Variants in KPNB1 observed in about 807,000 individuals in gnomAD.
KPNB1 encodes karyopherin subunit beta 1.
A neutral mutation model predicts 113.0 loss-of-function variants in KPNB1; 7 were observed. The ratio of observed to expected loss-of-function variants is 0.06; its 90% CI spans 0.04 to 0.12. The LOEUF is 0.12. Ranked by LOEUF, KPNB1 falls within the 10% of genes least tolerant of loss-of-function variation. The pLI is 1.00. For synonymous variants in KPNB1, 363 were observed against 378.6 expected (o/e 0.96, Z 0.48); for missense variants, 400 against 1,054.8 (o/e 0.38, Z 8.60).
intron 3 of KPNB1, 48 bp downstream of exon 3, chr17:47,652,924 T>C: frequency 1.4e-6 from 2 of 1,423,012 alleles, no homozygotes; most frequent in East Asian, 2.4e-5. Flanking sequence ...GAACAAGAAA[T>C]CGCTTTCTCA....
intron 15 of KPNB1, among the ~76,000 whole-genome samples, chr17:47,675,361 G>GTTGTTTTTTTTTTTTTT (rs1567894260): frequency 1.1e-4 from 10 of 88,694 alleles, no homozygotes; most frequent in South Asian, 3.7e-4. Flanking sequence ...CAGAGGTGTT[G>GTTGTTTTTTTTTTTTTT]TTTTTTTTTT....
At chr17:47,671,092 C>T (rs545396214) in intron 12 of KPNB1, among the ~76,000 whole-genome samples, 56 of 152,208 alleles carry the variant, frequency 3.7e-4, no homozygotes, top group South Asian at 1.4e-3. Flanking sequence ...CCTGTCTCTA[C>T]TAAAAATACA....
intron 3 of KPNB1, among the ~76,000 whole-genome samples, chr17:47,653,776 C>G (rs1278229863): frequency 1.3e-5 from 2 of 152,178 alleles, no homozygotes; most frequent in African/African-American, 4.8e-5. Context: ...GCAGTAACTT[C>G]TGTATCTGGT....
rs760882449 is a variant in KPNB1, at chr17:47,670,743, C to T, written c.1458C>T (p.Asp486=). 1.1e-5 allele frequency: 17 copies of T among 1,613,248 alleles called. No individual in the cohort carries two copies. Among genetic ancestry groups the T allele is most frequent in the Admixed American group, 3.3e-5 (2 of 60,006 alleles). ...SLAEAAYEAA[D]VADDQEEPAT... is the part of the protein sequence containing the mutation. The stretch of plus-strand genomic sequence containing the variant: ...CTGAAGCTGCTTATGAAGCTGCAGA[C>T]GTTGCTGATGATCAGGAAGAACCAG... The change falls in exon 12 of 22, where the codon GAC becomes GAT. Residue 486 remains aspartate (D), a synonymous_variant. Transcript: ENST00000290158.
At chr17:47,677,556 T>C (rs867225017) in intron 17 of KPNB1, among the ~76,000 whole-genome samples, 3 of 151,104 alleles carry the variant, frequency 2.0e-5, no homozygotes, top group African/African-American at 7.3e-5. Flanking sequence ...AAGAGGGGAG[T>C]TGTTCATTTC....
At chr17:47,668,557 T>G in intron 10 of KPNB1, 147 bp downstream of exon 10, 1 of 674,610 alleles carries the variant, frequency 1.5e-6, no homozygotes, top group South Asian at 2.0e-5. Flanking sequence ...GGGTAAAATA[T>G]ATTTCTTAGG....
At chr17:47,675,361 GTTTTTTTT>G (rs1166648701) in intron 15 of KPNB1, among the ~76,000 whole-genome samples, 13 of 88,690 alleles carry the variant, frequency 1.5e-4, no homozygotes, top group South Asian at 3.7e-4. Context: ...CAGAGGTGTT[GTTTTTTTT>G]TTGTTTTTTT....
chr17:47,665,481 A>T (rs1237369485), intron 9 of KPNB1, among the ~76,000 whole-genome samples: 1 of 152,202 alleles, frequency 6.6e-6, no homozygotes, highest in East Asian at 1.9e-4. Context: ...AGGAGCAAAG[A>T]TGTGCTGGTT....
chr17:47,675,594 T>A (rs1436345976), intron 15 of KPNB1, among the ~76,000 whole-genome samples: 1 of 152,030 alleles, frequency 6.6e-6, no homozygotes, highest in East Asian at 1.9e-4. Flanking sequence ...TGGTTTGTAG[T>A]GCTTTGGACT....
chr17:47,682,630 C>T lies in KPNB1; in HGVS notation c.*226C>T. ...AAGTAAGCACTGACTTCGTAGAAAACCATAACATCGGCCATCTTGGAAAAG... is the reference window on the plus strand; with the variant it reads ...AAGTAAGCACTGACTTCGTAGAAAATCATAACATCGGCCATCTTGGAAAAG... On this transcript the variant is annotated 3_prime_UTR_variant, in exon 22 of 22. Coordinates refer to ENST00000290158, the MANE Select transcript of KPNB1 (RefSeq NM_002265.6). The T allele has an allele frequency of 1.8e-6, 1 of 546,006 alleles. No individual in the cohort carries two copies. The highest frequency in any genetic ancestry group is 3.2e-6 in the Non-Finnish European group (1 of 307,802). The allele number at this position is 546,006 out of a possible 1,614,324, so 33.8% of individuals were successfully genotyped here. A position where few individuals can be genotyped will look rare whatever the true frequency, so the allele number is the denominator to read the frequency against.
At chr17:47,663,856 GC>G (rs1457316143) in intron 7 of KPNB1, among the ~76,000 whole-genome samples, 1 of 151,926 alleles carries the variant, frequency 6.6e-6, no homozygotes, top group Non-Finnish European at 1.5e-5. Flanking sequence ...GAGGTGGCAT[GC>G]ACTTGTGGTC....
chr17:47,663,072 TCTG>T lies in KPNB1; in HGVS notation c.697-13_697-11del, dbSNP rs2030157219. On this transcript the variant is annotated splice_polypyrimidine_tract_variant and intron_variant, in intron 6 of 21. Transcript: ENST00000290158. ...GTTGTTATTTTAGTAAACTATCTGA[TCTG>T]CTGTTCATAAAAGGTACGAGTGGCT... 3 of 1,353,820 alleles carry T rather than the reference TCTG, an allele frequency of 2.2e-6. No individual in the cohort carries two copies. The highest frequency in any genetic ancestry group is 1.4e-5 in the African/African-American group (1 of 69,840). 83.9% of individuals were successfully genotyped at this position (1,353,820 alleles called of 1,614,324 possible).
intron 2 of KPNB1, 130 bp downstream of exon 2, chr17:47,650,574 TCC>T (rs1333201997): frequency 2.0e-6 from 1 of 497,052 alleles, no homozygotes. Context: ...CCCCTCCCCC[TCC>T]CCCCCCAACC....
chr17:47,667,737 T>A (rs2030333306), intron 9 of KPNB1, among the ~76,000 whole-genome samples: 1 of 151,748 alleles, frequency 6.6e-6, no homozygotes, highest in South Asian at 2.1e-4. Flanking sequence ...TTTGTATTTT[T>A]AGTAGAGATG....
At chr17:47,650,965 A>C (rs920703994) in intron 2 of KPNB1, among the ~76,000 whole-genome samples, 20 of 151,640 alleles carry the variant, frequency 1.3e-4, no homozygotes, top group Admixed American at 1.2e-3. Flanking sequence ...CTGGCACCCG[A>C]CTGCCTCTTA....
intron 9 of KPNB1, among the ~76,000 whole-genome samples, chr17:47,666,341 C>A (rs2030268071): frequency 6.6e-6 from 1 of 151,308 alleles, no homozygotes; most frequent in Admixed American, 6.6e-5. Context: ...GCGTGAGCCA[C>A]TGTGCCTGGC....
chr17:47,669,985 T>A (rs1422975457), intron 11 of KPNB1, 116 bp downstream of exon 11: 3 of 765,938 alleles, frequency 3.9e-6, no homozygotes, highest in African/African-American at 1.7e-5. Flanking sequence ...TGATTTTCTT[T>A]CTAATTTATT....
At chr17:47,666,188 A>G (rs950776050) in intron 9 of KPNB1, among the ~76,000 whole-genome samples, 7 of 151,808 alleles carry the variant, frequency 4.6e-5, no homozygotes, top group Non-Finnish European at 1.0e-4. Flanking sequence ...CAGTAGCTGG[A>G]AGTACAGGTG....
chr17:47,660,570 G>C (rs1407522328), intron 5 of KPNB1, among the ~76,000 whole-genome samples: 1 of 152,204 alleles, frequency 6.6e-6, no homozygotes, highest in Non-Finnish European at 1.5e-5. Flanking sequence ...CTTTGGAAAG[G>C]TCTGAAACCC....
Sources: allele counts gnomAD v4.1 joint callset (sites outside exome capture counted in the v4.1 genomes callset), GRCh38; gene constraint gnomAD v4.1.1; transcripts MANE v1.5; gene names NCBI Gene and HGNC (gene_info 2026-07-23, HGNC 2026-07-21).